The following CUBN variants were observed in gnomAD, a reference collection of about 807,000 sequenced individuals.
CUBN encodes cubilin.
Under a neutral mutation model 405.3 loss-of-function variants are expected in CUBN, and 282 were observed. That is an observed-to-expected ratio of 0.70 (90% confidence interval 0.63 to 0.77). The LOEUF (loss-of-function observed/expected upper bound fraction) is 0.77. CUBN is among the 30% of genes least tolerant of loss of function. The pLI, the probability that CUBN is intolerant of heterozygous loss-of-function variation, is 0.00. For missense variants in CUBN, 4,514 were observed against 4,475.2 expected (o/e 1.01, Z -0.25); for synonymous variants, 1,684 against 1,617.0 (o/e 1.04, Z -0.99).
intron 22 of CUBN, among the ~76,000 whole-genome samples, chr10:17,054,532 T>C (rs1040320188): frequency 3.3e-5 from 5 of 151,820 alleles, no homozygotes; most frequent in Admixed American, 2.0e-4. Flanking sequence ...ATGTCAAAAA[T>C]TGGTTCTTTG....
rs1334980911 is a variant in CUBN at position 17,114,199 on chromosome 10, T to C, written c.721-10A>G. ...CGCAGCTGTACTTGGGCTGGCAGGATGACAACAGCGTGAATAAAGACAATC... is the reference window on the plus strand; with the variant it reads ...CGCAGCTGTACTTGGGCTGGCAGGACGACAACAGCGTGAATAAAGACAATC... On this transcript the variant is annotated splice_polypyrimidine_tract_variant and intron_variant, in intron 7 of 66. Transcript: ENST00000377833. 6.2e-7 allele frequency: 1 copy of C among 1,613,434 alleles called. No individual in the cohort carries two copies. Among genetic ancestry groups the C allele is most frequent in the East Asian group, 2.2e-5 (1 of 44,886 alleles).
chr10:16,982,672 A>T lies in CUBN; in HGVS notation c.4526-19T>A. 1.2e-6 allele frequency: 2 copies of T among 1,606,186 alleles called. No homozygotes were observed. Among genetic ancestry groups the T allele is most frequent in the Non-Finnish European group, 1.7e-6 (2 of 1,174,330 alleles). On this transcript the variant is annotated intron_variant, in intron 30 of 66. Coordinates refer to ENST00000377833, the MANE Select transcript of CUBN (RefSeq NM_001081.4). ...CCACAACCTGGAAGTGGGGAACACA[A>T]TTATTTCATGAGAGGAATCATGGAT...
chr10:16,991,944 A>G (rs1386454140), intron 28 of CUBN, among the ~76,000 whole-genome samples: 1 of 152,226 alleles, frequency 6.6e-6, no homozygotes, highest in East Asian at 1.9e-4. Context: ...ATGCACATGT[A>G]TGTTTATTCC....
At chr10:16,854,297 T>C (rs1372561948) in intron 59 of CUBN, among the ~76,000 whole-genome samples, 2 of 152,122 alleles carry the variant, frequency 1.3e-5, no homozygotes, top group African/African-American at 2.4e-5. Flanking sequence ...AGGAGAATAA[T>C]GAGAATTAGG....
chr10:16,994,230 C>A (rs1016887841), intron 28 of CUBN, among the ~76,000 whole-genome samples: 2 of 151,914 alleles, frequency 1.3e-5, no homozygotes, highest in Admixed American at 1.3e-4. Flanking sequence ...AGCATCTGCC[C>A]ATAATACAAG....
rs144498251 is a variant in CUBN, at chr10:16,890,153, C to T, written c.8755+218G>A. Among the ~76,000 whole-genome samples, 11 of 152,224 alleles carry T rather than the reference C, an allele frequency of 7.2e-5. No homozygotes were observed. The East Asian group carries it at 2.1e-3, about 29-fold the overall frequency. On this transcript the variant is annotated intron_variant, in intron 55 of 66. Coordinates refer to ENST00000377833, the MANE Select transcript of CUBN (RefSeq NM_001081.4). ...TCTGGATGCCAGGCTTATTTCTAGA[C>T]GTTGGTTAGTGCCCCTCATGGCTTT...
chr10:16,895,366 TAC>T (rs1174848799), intron 54 of CUBN, among the ~76,000 whole-genome samples: 117 of 138,512 alleles, frequency 8.4e-4, no homozygotes, highest in Middle Eastern at 3.6e-3. Flanking sequence ...CACATATATA[TAC>T]ACACACACAC....
At chr10:16,904,822 C>T (rs1318886103) in intron 50 of CUBN, among the ~76,000 whole-genome samples, 2 of 152,210 alleles carry the variant, frequency 1.3e-5, no homozygotes, top group African/African-American at 2.4e-5. Context: ...CTGCTTAAGA[C>T]CACAAGCCGG....
chr10:16,882,454 A>G (rs1461199652), intron 56 of CUBN, among the ~76,000 whole-genome samples: 3 of 151,464 alleles, frequency 2.0e-5, no homozygotes, highest in Non-Finnish European at 4.4e-5. Flanking sequence ...TTTTTGTTCT[A>G]TTTTTCCGGG....
intron 28 of CUBN, among the ~76,000 whole-genome samples, chr10:17,018,819 C>T (rs12248574): frequency 0.037 from 5,615 of 152,206 alleles, 172 homozygotes; most frequent in African/African-American, 0.086. Flanking sequence ...AGACACAGAG[C>T]GCTGATTGGT....
At chr10:17,076,615 T>C (rs2131854409) in intron 17 of CUBN, among the ~76,000 whole-genome samples, 1 of 152,316 alleles carries the variant, frequency 6.6e-6, no homozygotes, top group Non-Finnish European at 1.5e-5. Flanking sequence ...TGACTTGCAA[T>C]ACTGCCATAC....
In CUBN at chr10:16,958,518, T is replaced by A. The variant is rs569267114; in HGVS notation, c.4696-3970A>T. ...TCCATCATGGGTGACAGAGTGAGAC[T>A]CCATCTCAATAAAAAGAAGGTTTTC... On this transcript the variant is annotated intron_variant, in intron 31 of 66. Transcript: ENST00000377833. 7.2e-5 allele frequency among the ~76,000 whole-genome samples: 11 copies of A among 152,214 alleles called. No individual in the cohort carries two copies. The East Asian group carries it at 1.7e-3, about 24-fold the overall frequency.
intron 59 of CUBN, among the ~76,000 whole-genome samples, chr10:16,862,722 T>A (rs1225429377): frequency 6.6e-6 from 1 of 152,186 alleles, no homozygotes; most frequent in African/African-American, 2.4e-5. Context: ...CTGATCTGAG[T>A]AAGGATGTTG....
At chr10:17,065,669 G>A (rs1242122778) in intron 21 of CUBN, 31 bp from the exon 22 acceptor site, 8 of 1,611,922 alleles carry the variant, frequency 5.0e-6, no homozygotes, top group Non-Finnish European at 6.8e-6. Flanking sequence ...ACAGATGTGT[G>A]TATTTTAGTT....
chr10:17,075,989 T>C (rs900828020), intron 17 of CUBN, among the ~76,000 whole-genome samples: 3 of 152,220 alleles, frequency 2.0e-5, no homozygotes, highest in Non-Finnish European at 4.4e-5. Flanking sequence ...CTAGAAAGCA[T>C]GAAACACAAA....
intron 48 of CUBN, among the ~76,000 whole-genome samples, chr10:16,911,753 CACAT>C (rs1239307391): frequency 3.3e-5 from 5 of 152,068 alleles, no homozygotes. Context: ...CAACTGTTAG[CACAT>C]ACATCAAAAT....
In CUBN at chr10:17,019,693, T is replaced by C. The variant is rs952098589; in HGVS notation, c.4168+140A>G. On this transcript the variant is annotated intron_variant, in intron 28 of 66. Transcript: ENST00000377833. ...CAAGTTCCACCAATATCTAAGTATA[T>C]TTCTTAAACCCTTGCATGAGATTAC... 5.0e-6 allele frequency: 5 copies of C among 993,364 alleles called. No individual in the cohort carries two copies. The African/African-American group carries it at 8.0e-5, about 16-fold the overall frequency. The allele number at this position is 993,364 out of a possible 1,614,324, so 61.5% of individuals were successfully genotyped here.
chr10:16,845,309 T>C (rs1839480088), intron 60 of CUBN, among the ~76,000 whole-genome samples: 1 of 152,234 alleles, frequency 6.6e-6, no homozygotes, highest in East Asian at 1.9e-4. Flanking sequence ...TTTAATATTT[T>C]CCTGGGAATT....
At chr10:17,044,514 C>T (rs1270001722) in intron 25 of CUBN, among the ~76,000 whole-genome samples, 2 of 151,922 alleles carry the variant, frequency 1.3e-5, no homozygotes, top group Admixed American at 6.6e-5. Flanking sequence ...ATTGTAATGC[C>T]ACAGCTGATG....
Sources: gnomAD v4.1 joint callset for allele counts (sites outside exome capture counted in the v4.1 genomes callset) on GRCh38, gnomAD v4.1.1 for gene constraint, MANE v1.5 for transcripts, NCBI Gene and HGNC (gene_info 2026-07-23, HGNC 2026-07-21) for gene names.